SNAP25: variants seen among roughly 807,000 people sequenced by gnomAD.
SNAP25 encodes the protein synaptosome associated protein 25.
SNAP25 carries 3 observed loss-of-function variants against 28.7 expected under a neutral mutation model. The ratio of observed to expected loss-of-function variants is 0.10; its 90% CI spans 0.05 to 0.27. SNAP25 has a LOEUF of 0.27. Among genes scored for constraint, SNAP25 ranks in the 10% least tolerant of loss-of-function variants. The pLI, the probability that SNAP25 is intolerant of heterozygous loss-of-function variation, is 1.00. For synonymous variants in SNAP25, 61 were observed against 88.1 expected, an observed-to-expected ratio of 0.69 and a Z score of 1.72; for missense variants, 117 against 278.7, an observed-to-expected ratio of 0.42 and a Z score of 4.13.
chr20:10,259,669 T>A (rs1053354581), intron 1 of SNAP25, among the ~76,000 whole-genome samples: 4 of 152,282 alleles, frequency 2.6e-5, no homozygotes, highest in African/African-American at 9.6e-5. Context: ...TCCCCAAGTG[T>A]CTGGGACTGC....
At chr20:10,287,086 G>A (rs1172947027) in intron 4 of SNAP25, among the ~76,000 whole-genome samples, 2 of 152,100 alleles carry the variant, frequency 1.3e-5, no homozygotes, top group Non-Finnish European at 1.5e-5. Flanking sequence ...TATCATTCAG[G>A]ACATAGGCAT....
intron 1 of SNAP25, among the ~76,000 whole-genome samples, chr20:10,238,245 T>C (rs536435441): frequency 1.3e-5 from 2 of 152,342 alleles, no homozygotes; most frequent in South Asian, 4.1e-4. Context: ...CATGGAACCA[T>C]TTCTTTGTAG....
At chr20:10,304,470 G>A (rs773467472) in intron 7 of SNAP25, among the ~76,000 whole-genome samples, 1 of 152,096 alleles carries the variant, frequency 6.6e-6, no homozygotes, top group African/African-American at 2.4e-5. Flanking sequence ...TATGTTTTAT[G>A]TATTATTTAC....
At position 10,258,171 on chromosome 20, in the gene SNAP25, A is replaced by C. The variant is rs532604309; in HGVS notation, c.-63-17258A>C. Among the ~76,000 whole-genome samples the C allele has an allele frequency of 2.0e-5, 3 of 152,352 alleles. No homozygotes were observed. The East Asian group carries it at 5.8e-4, about 29-fold the overall frequency. The stretch of plus-strand genomic sequence containing the variant: ...TAGAGATCTCGTGTCATGGAAATTT[A>C]AATGATTCCTGTGTGATAGAAAAAG... On this transcript the variant is annotated intron_variant, in intron 1 of 7. Coordinates refer to ENST00000254976, the MANE Select transcript of SNAP25 (RefSeq NM_130811.4).
chr20:10,243,198 C>T (rs112122974), intron 1 of SNAP25, among the ~76,000 whole-genome samples: 2,236 of 152,278 alleles, frequency 0.015, 51 homozygotes, highest in African/African-American at 0.051. Context: ...AACTGAATTA[C>T]AATCTCTGGG....
At chr20:10,231,469 C>G (rs1000529981) in intron 1 of SNAP25, 3 of 152,292 alleles carry the variant, frequency 2.0e-5, no homozygotes, top group Non-Finnish European at 4.4e-5. Context: ...CTTCCACTGC[C>G]CTTTACTGCC....
At chr20:10,228,859 ATTG>A (rs528952051) in intron 1 of SNAP25, among the ~76,000 whole-genome samples, 131 of 152,112 alleles carry the variant, frequency 8.6e-4, no homozygotes, top group African/African-American at 3.0e-3. Flanking sequence ...TTTCCTCTTT[ATTG>A]TTGTGTTTGC....
At chr20:10,296,335 CA>C (rs1249832704) in intron 5 of SNAP25, 1 of 154,650 alleles carries the variant, frequency 6.5e-6, no homozygotes, top group Admixed American at 6.3e-5. Context: ...ACTCTAGAGG[CA>C]ATGCAAAGAC....
intron 1 of SNAP25, among the ~76,000 whole-genome samples, chr20:10,275,069 TTAAATAAATAAATAAA>T (rs377525248): frequency 2.3e-5 from 3 of 131,930 alleles, no homozygotes; most frequent in African/African-American, 2.8e-5. Flanking sequence ...ATAGAGCTAT[TTAAATAAATAAATAAA>T]TAAATAAATA....
intron 1 of SNAP25, among the ~76,000 whole-genome samples, chr20:10,263,167 C>T (rs1460834324): frequency 2.0e-5 from 3 of 151,914 alleles, no homozygotes; most frequent in Non-Finnish European, 4.4e-5. Flanking sequence ...TACAGGCGCC[C>T]GCCACCATGC....
intron 1 of SNAP25, among the ~76,000 whole-genome samples, chr20:10,234,183 TA>T (rs1003151217): frequency 1.4e-3 from 49 of 33,882 alleles, no homozygotes; most frequent in African/African-American, 4.2e-3. Flanking sequence ...CACTATTATT[TA>T]ATTTTTTTTT....
At chr20:10,234,008 T>A (rs1423528838) in intron 1 of SNAP25, among the ~76,000 whole-genome samples, 1 of 152,202 alleles carries the variant, frequency 6.6e-6, no homozygotes, top group Non-Finnish European at 1.5e-5. Flanking sequence ...GTTCCCTTAA[T>A]CATTTCTGAA....
intron 1 of SNAP25, among the ~76,000 whole-genome samples, chr20:10,252,243 C>A (rs745794149): frequency 6.6e-6 from 1 of 152,098 alleles, no homozygotes; most frequent in Non-Finnish European, 1.5e-5. Context: ...AGTGAGAAAA[C>A]CAGTAGGCAG....
intron 1 of SNAP25, among the ~76,000 whole-genome samples, chr20:10,236,585 A>G (rs1452184477): frequency 6.6e-6 from 1 of 152,136 alleles, no homozygotes; most frequent in African/African-American, 2.4e-5. Context: ...AATGTTAAAA[A>G]CAATTCTCTG....
At chr20:10,289,182 CG>C (rs1423656014) in intron 4 of SNAP25, among the ~76,000 whole-genome samples, 1 of 152,108 alleles carries the variant, frequency 6.6e-6, no homozygotes. Context: ...ACCCAGGTAT[CG>C]GGAGACACCA....
rs562138800 is a variant in SNAP25, at chr20:10,267,950, G to T, written c.-63-7479G>T. Among the ~76,000 whole-genome samples the T allele has an allele frequency of 9.2e-5, 14 of 152,260 alleles. 1 individual carries two copies. In the South Asian group the frequency reaches 2.9e-3, roughly 32 times the overall value. On this transcript the variant is annotated intron_variant, in intron 1 of 7. Coordinates refer to ENST00000254976, the MANE Select transcript of SNAP25 (RefSeq NM_130811.4). ...TGTTTTTTAAATCACCCAAACTCTTGATCTAACATTTAGCCTAATCTTAAT... is the reference window on the plus strand; with the variant it reads ...TGTTTTTTAAATCACCCAAACTCTTTATCTAACATTTAGCCTAATCTTAAT...
intron 1 of SNAP25, among the ~76,000 whole-genome samples, chr20:10,266,942 A>G (rs1236309635): frequency 6.6e-6 from 1 of 152,138 alleles, no homozygotes; most frequent in Admixed American, 6.5e-5. Context: ...AGTTAGAGTC[A>G]AAGACAGAAT....
At chr20:10,304,971 T>A (rs1178623942) in intron 7 of SNAP25, among the ~76,000 whole-genome samples, 2 of 152,228 alleles carry the variant, frequency 1.3e-5, no homozygotes, top group South Asian at 4.1e-4. Flanking sequence ...TATACAATTA[T>A]GATTTAATAC....
chr20:10,291,752 A>G (rs112396621), intron 4 of SNAP25, among the ~76,000 whole-genome samples: 2,420 of 152,320 alleles, frequency 0.016, 48 homozygotes, highest in African/African-American at 0.051. Flanking sequence ...TATTCTAGGC[A>G]TGCCTTTATT....
Sources: allele counts gnomAD v4.1 joint callset (sites outside exome capture counted in the v4.1 genomes callset), GRCh38; gene constraint gnomAD v4.1.1; transcripts MANE v1.5; gene names NCBI Gene and HGNC (gene_info 2026-07-23, HGNC 2026-07-21).